The following SPTB variants were observed in gnomAD, a reference collection of about 807,000 sequenced individuals.
SPTB encodes the protein spectrin beta, erythrocytic, also known as spectrin beta chain, erythrocytic.
A neutral mutation model predicts 256.2 loss-of-function variants in SPTB; 45 were observed. The observed-to-expected ratio is 0.18, with a 90% confidence interval of 0.14 to 0.23. The LOEUF is 0.23. Among genes scored for constraint, SPTB ranks in the 10% least tolerant of loss-of-function variants. The pLI is 1.00. For missense variants in SPTB, 2,715 were observed against 3,040.4 expected, an observed-to-expected ratio of 0.89 and a Z score of 2.52; for synonymous variants, 1,231 against 1,243.1, an observed-to-expected ratio of 0.99 and a Z score of 0.21.
chr14:64,812,768 A>G (rs1447077887), intron 2 of SPTB, among the ~76,000 whole-genome samples: 1 of 151,998 alleles, frequency 6.6e-6, no homozygotes, highest in Non-Finnish European at 1.5e-5. Context: ...GCTGTCCTTA[A>G]ACCAAACTGT....
chr14:64,843,493 C>G (rs2083640221), intron 1 of SPTB, among the ~76,000 whole-genome samples: 1 of 152,192 alleles, frequency 6.6e-6, no homozygotes, highest in Non-Finnish European at 1.5e-5. Flanking sequence ...TCACAACAAG[C>G]AAAGCAGTAA....
rs757425728 is a variant in SPTB at position 64,786,877 on chromosome 14, C to T, written c.3088G>A (p.Glu1030Lys). Reference sequence around the variant, plus strand: ...TGTTTTTGCCGCTGACCAATATCCTCCTTCTGCTCAGGGTGCGAGTCCATC... The same window carrying T: ...TGTTTTTGCCGCTGACCAATATCCTTCTTCTGCTCAGGGTGCGAGTCCATC... ...QLMDSHPEQK[E>K]DIGQRQKHLE... The change falls in exon 16 of 36, where the codon GAG becomes AAG. Residue 1030 changes from glutamate to lysine, a missense_variant. Transcript: ENST00000644917. The surrounding 1 kb of genome is among the most constrained non-coding windows in gnomAD (Gnocchi z 5.6). The T allele has an allele frequency of 6.2e-7, 1 of 1,613,062 alleles. No individual in the cohort carries two copies. The highest frequency in any genetic ancestry group is 8.5e-7 in the Non-Finnish European group (1 of 1,180,030).
Position 64,800,855 on chromosome 14 carries a change from T to C in SPTB, c.777A>G (p.Glu259=). 6.2e-7 allele frequency: 1 copy of C among 1,614,028 alleles called. No homozygotes were observed. The highest frequency in any genetic ancestry group is 8.5e-7 in the Non-Finnish European group (1 of 1,179,970). ...TGATGATGGATTTCTCATCAGGGTT[T>C]TCCGTAAAGACATCTGTTAGGGAAA... The part of the protein sequence containing the change: ...PLLDPEDVFT[E]NPDEKSIITY... The change falls in exon 8 of 36, where the codon GAA becomes GAG. Residue 259 remains glutamate, a synonymous_variant. Transcript: ENST00000644917.
At chr14:64,803,555 C>T in intron 4 of SPTB, 52 bp downstream of exon 4, 1 of 1,609,636 alleles carries the variant, frequency 6.2e-7, no homozygotes. Flanking sequence ...ATTCTAAGGC[C>T]CTGGGCAGCC....
At chr14:64,768,022 G>C in intron 29 of SPTB, 163 bp from the exon 30 acceptor site, 3 of 743,592 alleles carry the variant, frequency 4.0e-6, no homozygotes, top group Non-Finnish European at 6.9e-6. Flanking sequence ...TTCCACACTG[G>C]GCCCCTAACC....
At chr14:64,878,615 C>T (rs1265957257) in intron 1 of SPTB, among the ~76,000 whole-genome samples, 1 of 152,062 alleles carries the variant, frequency 6.6e-6, no homozygotes, top group Non-Finnish European at 1.5e-5. Context: ...TTTGCAGACT[C>T]CTCTCATTAG....
In SPTB at chr14:64,786,342, AC is replaced by A; in HGVS notation, c.3561+61del. On this transcript the variant is annotated intron_variant, in intron 16 of 35. Transcript: ENST00000644917. This position sits in a 1 kb window ranked among gnomAD's most constrained non-coding sequence, Gnocchi z 5.6. ...CCTGAGTCTTACAGCACATTTGTGG[AC>A]TCACCACAAGAGCTACTGCCCTGAG... The A allele has an allele frequency of 6.3e-7, 1 of 1,593,470 alleles. No individual in the cohort carries two copies. The highest frequency in any genetic ancestry group is 1.7e-5 in the Admixed American group (1 of 60,000).
At chr14:64,804,182 G>T (rs747541050) in intron 3 of SPTB, among the ~76,000 whole-genome samples, 4 of 152,208 alleles carry the variant, frequency 2.6e-5, no homozygotes, top group Non-Finnish European at 5.9e-5. Flanking sequence ...GTTCATCCCT[G>T]CCAATCAACC....
Position 64,769,044 on chromosome 14 carries a change from C to T in SPTB, c.6012G>A (p.Arg2004=), listed in dbSNP as rs753428389. 14 of 1,613,046 alleles carry T rather than the reference C, an allele frequency of 8.7e-6. No homozygotes were observed. The highest frequency in any genetic ancestry group is 1.2e-5 in the Non-Finnish European group (14 of 1,179,896). ...CAGGGCTGTACTCACACATGCGGAG[C>T]CGCTCCCAGCGGGCTTCCCACTTCT... ...MNEKWEARWE[R]LRMLLEVCQF... Residue 2004 remains arginine (R), a synonymous_variant, in exon 29 of 36, where the codon CGG becomes CGA. Coordinates refer to ENST00000644917, the MANE Select transcript of SPTB (RefSeq NM_001355436.2).
At chr14:64,763,066 G>A (rs1253955335) in intron 32 of SPTB, among the ~76,000 whole-genome samples, 1 of 152,212 alleles carries the variant, frequency 6.6e-6, no homozygotes. Context: ...GGGACCTTTA[G>A]CCTGGGGGGA....
At position 64,753,718 on chromosome 14, in the gene SPTB, A is replaced by G; in HGVS notation, c.6421T>C (p.Ser2141Pro). The G allele has an allele frequency of 6.2e-7, 1 of 1,613,582 alleles. No homozygotes were observed. Among genetic ancestry groups the G allele is most frequent in the Non-Finnish European group, 8.5e-7 (1 of 1,179,990 alleles). The change falls in exon 33 of 36, where the codon TCC (serine) becomes CCC (proline). Residue 2141 changes from serine (S) to proline (P), a missense_variant. Coordinates refer to ENST00000644917, the MANE Select transcript of SPTB (RefSeq NM_001355436.2). ...PPGQHKDGQK[S>P]TGDERPTTEP... ...GTGGTGGGCCTCTCATCCCCAGTGG[A>G]TTTCTGCCCATCCTTGTGCTGACCC...
intron 20 of SPTB, 119 bp from the exon 21 acceptor site, chr14:64,780,050 A>C: frequency 3.5e-6 from 3 of 846,678 alleles, no homozygotes; most frequent in Non-Finnish European, 6.0e-6. Context: ...AACTTCCTCC[A>C]AGGAGTCTCC....
chr14:64,805,449 G>A (rs189316956), intron 2 of SPTB, among the ~76,000 whole-genome samples: 8 of 152,054 alleles, frequency 5.3e-5, no homozygotes, highest in Non-Finnish European at 7.4e-5. Flanking sequence ...TCAAATATTC[G>A]CTCTGCCTAG....
chr14:64,857,946 C>T (rs535082086), intron 1 of SPTB, among the ~76,000 whole-genome samples: 6 of 152,238 alleles, frequency 3.9e-5, no homozygotes, highest in African/African-American at 9.6e-5. Flanking sequence ...TTTGTTCACC[C>T]GTCATGTGCC....
intron 1 of SPTB, among the ~76,000 whole-genome samples, chr14:64,839,422 T>A (rs2083572555): frequency 6.6e-6 from 1 of 152,016 alleles, no homozygotes. Flanking sequence ...GGGGTTAGGA[T>A]TGTAGGGTTG....
intron 28 of SPTB, 92 bp downstream of exon 28, chr14:64,769,498 T>C (rs1287414908): frequency 5.2e-6 from 8 of 1,532,298 alleles, no homozygotes; most frequent in East Asian, 2.3e-5. Context: ...TCAGAAAAGC[T>C]GCAGCTCTCA....
chr14:64,822,298 G>C (rs376361274), intron 2 of SPTB, among the ~76,000 whole-genome samples: 2 of 123,500 alleles, frequency 1.6e-5, no homozygotes. Flanking sequence ...TCAGCCAACA[G>C]GGGGAGGAGA....
At position 64,766,717 on chromosome 14, in the gene SPTB, G is replaced by C. The variant is rs140290907; in HGVS notation, c.6345+9C>G. 1 of 1,613,670 alleles carries C rather than the reference G, an allele frequency of 6.2e-7. No homozygotes were observed. The highest frequency in any genetic ancestry group is 8.5e-7 in the Non-Finnish European group (1 of 1,179,944). On this transcript the variant is annotated intron_variant, in intron 32 of 35. Coordinates refer to ENST00000644917, the MANE Select transcript of SPTB (RefSeq NM_001355436.2). ...CCCAGGAACTAGACAAACGAGACCA[G>C]AGACTGACCGGGGACGTTCTCTCGG...
At position 64,777,299 on chromosome 14, in the gene SPTB, A is replaced by C. The variant is rs1341895418; in HGVS notation, c.4563+1858T>G. Among the ~76,000 whole-genome samples, 1 of 152,174 alleles carries C rather than the reference A, an allele frequency of 6.6e-6. No individual in the cohort carries two copies. Among genetic ancestry groups the C allele is most frequent in the Non-Finnish European group, 1.5e-5 (1 of 68,014 alleles). On this transcript the variant is annotated intron_variant, in intron 22 of 35. Transcript: ENST00000644917. The surrounding 1 kb of genome is among the most constrained non-coding windows in gnomAD (Gnocchi z 4.5). ...AAGGAGGGCAAAGTGAGAAGAGCTGAGTTTCAGAAGCAGGCAGGGGTCAGG... is the reference window on the plus strand; with the variant it reads ...AAGGAGGGCAAAGTGAGAAGAGCTGCGTTTCAGAAGCAGGCAGGGGTCAGG...
Sources: allele counts gnomAD v4.1 joint callset (sites outside exome capture counted in the v4.1 genomes callset), GRCh38; gene constraint gnomAD v4.1.1; non-coding constraint Gnocchi (gnomAD v3.1); transcripts MANE v1.5; gene names NCBI Gene and HGNC (gene_info 2026-07-23, HGNC 2026-07-21).